DAB1: variants seen among roughly 807,000 people sequenced by gnomAD.
DAB1 encodes the protein DAB adaptor protein 1.
DAB1 carries 15 observed loss-of-function variants against 64.6 expected under a neutral mutation model. That is an observed-to-expected ratio of 0.23 (90% confidence interval 0.16 to 0.36). DAB1 has a LOEUF of 0.36. DAB1 is among the 10% of genes least tolerant of loss of function. DAB1 has a pLI of 1.00. For missense variants in DAB1, 596 were observed against 706.7 expected (o/e 0.84, Z 1.78); for synonymous variants, 235 against 251.9 (o/e 0.93, Z 0.64).
At chr1:57,313,556 C>T (rs1186756511) in intron 1 of DAB1, among the ~76,000 whole-genome samples, 1 of 152,108 alleles carries the variant, frequency 6.6e-6, no homozygotes, top group Non-Finnish European at 1.5e-5. Flanking sequence ...CCCGGTCTGG[C>T]CATAGTTTCC....
chr1:57,724,251 G>A (rs947048663), intron 6 of DAB1, among the ~76,000 whole-genome samples: 7 of 146,082 alleles, frequency 4.8e-5, no homozygotes, highest in African/African-American at 1.8e-4. Context: ...AGAAAGGAAG[G>A]GAGGGAGGGA....
At chr1:57,242,441 G>A (rs1426698688) in intron 2 of DAB1, among the ~76,000 whole-genome samples, 2 of 152,090 alleles carry the variant, frequency 1.3e-5, no homozygotes, top group African/African-American at 4.8e-5. Context: ...ATACACATGG[G>A]GTGCCTGCAT....
At chr1:57,677,105 C>T (rs1646577013) in intron 6 of DAB1, among the ~76,000 whole-genome samples, 1 of 152,146 alleles carries the variant, frequency 6.6e-6, no homozygotes, top group Admixed American at 6.5e-5. Flanking sequence ...CAACAGAAAG[C>T]TCTCTCTGGC....
At chr1:57,631,102 A>G (rs1414304154) in intron 7 of DAB1, among the ~76,000 whole-genome samples, 1 of 152,212 alleles carries the variant, frequency 6.6e-6, no homozygotes, top group Admixed American at 6.5e-5. Context: ...TAGACTTATC[A>G]AATATATTTT....
chr1:57,795,443 G>A (rs1323671454), intron 6 of DAB1, among the ~76,000 whole-genome samples: 1 of 151,770 alleles, frequency 6.6e-6, no homozygotes, highest in East Asian at 1.9e-4. Flanking sequence ...ATCTTTGACA[G>A]GAGTAGATTT....
At chr1:58,523,176 C>T in intron 2 of DAB1, among the ~76,000 whole-genome samples, 2 of 152,188 alleles carry the variant, frequency 1.3e-5, no homozygotes, top group East Asian at 3.8e-4. Flanking sequence ...TTTCTATTAG[C>T]TCTTGAATTT....
intron 3 of DAB1, among the ~76,000 whole-genome samples, chr1:58,364,129 C>T (rs1388227012): frequency 2.0e-5 from 3 of 152,168 alleles, no homozygotes; most frequent in Non-Finnish European, 4.4e-5. Context: ...TGCCTCCCAA[C>T]CCCAGACACA....
At chr1:57,471,330 A>AT (rs1202870149) in intron 7 of DAB1, among the ~76,000 whole-genome samples, 1 of 152,006 alleles carries the variant, frequency 6.6e-6, no homozygotes, top group Admixed American at 6.6e-5. Context: ...ACTCTGTGTT[A>AT]TTTTTTTTAA....
At chr1:57,120,712 A>G (rs532862769) in intron 4 of DAB1, among the ~76,000 whole-genome samples, 11 of 152,256 alleles carry the variant, frequency 7.2e-5, no homozygotes, top group African/African-American at 2.6e-4. Flanking sequence ...CTCATATAAT[A>G]TTTGTCCCTT....
At chr1:58,030,116 A>G (rs1397932464) in intron 5 of DAB1, among the ~76,000 whole-genome samples, 1 of 152,066 alleles carries the variant, frequency 6.6e-6, no homozygotes, top group Non-Finnish European at 1.5e-5. Flanking sequence ...TGAGGCAGGG[A>G]GAATTGCTTG....
At chr1:57,310,641 C>T (rs1674619416) in intron 1 of DAB1, among the ~76,000 whole-genome samples, 1 of 152,104 alleles carries the variant, frequency 6.6e-6, no homozygotes, top group South Asian at 2.1e-4. Context: ...TCCCTTTCCT[C>T]ATTTGTAAAA....
chr1:58,460,662 A>T (rs551734283), intron 3 of DAB1, among the ~76,000 whole-genome samples: 3 of 152,254 alleles, frequency 2.0e-5, no homozygotes, highest in African/African-American at 7.2e-5. Flanking sequence ...CTTCCCACGC[A>T]TGTGTGTAGC....
chr1:57,978,127 A>C (rs1645967953), intron 5 of DAB1, among the ~76,000 whole-genome samples: 1 of 152,314 alleles, frequency 6.6e-6, no homozygotes, highest in South Asian at 2.1e-4. Context: ...GGGCAGGAAG[A>C]ACAAAGCTGG....
intron 7 of DAB1, among the ~76,000 whole-genome samples, chr1:57,466,757 A>C (rs1686966777): frequency 6.6e-6 from 1 of 152,190 alleles, no homozygotes; most frequent in Non-Finnish European, 1.5e-5. Context: ...ATGCAGTTGT[A>C]GGAGTGAGGT....
intron 3 of DAB1, among the ~76,000 whole-genome samples, chr1:58,372,479 G>T (rs1352418557): frequency 6.6e-6 from 1 of 152,142 alleles, no homozygotes; most frequent in Non-Finnish European, 1.5e-5. Flanking sequence ...CTCAGATGAG[G>T]CTTTGGACTT....
intron 5 of DAB1, among the ~76,000 whole-genome samples, chr1:57,916,811 C>T (rs1557554429): frequency 6.6e-6 from 1 of 152,044 alleles, no homozygotes; most frequent in Non-Finnish European, 1.5e-5. Context: ...GGCATGGTCA[C>T]GCACGCCTGT....
chr1:58,290,293 T>C (rs1236751210), intron 4 of DAB1, among the ~76,000 whole-genome samples: 1 of 152,180 alleles, frequency 6.6e-6, no homozygotes, highest in Non-Finnish European at 1.5e-5. Flanking sequence ...TCTAAAGATG[T>C]CAGTTGATCT....
At chr1:57,797,228 A>T (rs1328482762) in intron 6 of DAB1, among the ~76,000 whole-genome samples, 1 of 152,198 alleles carries the variant, frequency 6.6e-6, no homozygotes, top group Non-Finnish European at 1.5e-5. Flanking sequence ...CTTTCTTCTG[A>T]ATTAGATCCT....
intron 7 of DAB1, among the ~76,000 whole-genome samples, chr1:57,565,722 G>T (rs188560622): frequency 5.9e-5 from 9 of 152,148 alleles, no homozygotes; most frequent in Admixed American, 3.9e-4. Context: ...CAAGAAGAGC[G>T]AACTATCCTA....
Sources: allele counts gnomAD v4.1 joint callset (sites outside exome capture counted in the v4.1 genomes callset), GRCh38; gene constraint gnomAD v4.1.1; transcripts MANE v1.5; gene names NCBI Gene and HGNC (gene_info 2026-07-23, HGNC 2026-07-21).